TBK1: variants seen among roughly 807,000 people sequenced by gnomAD.
The protein encoded by TBK1 is TANK binding kinase 1.
In TBK1, 37 loss-of-function variants were observed where a neutral mutation model predicts 99.9. The ratio of observed to expected loss-of-function variants is 0.37; its 90% confidence interval spans 0.28 to 0.49. TBK1 has a LOEUF of 0.49. Among genes scored for constraint, TBK1 ranks in the 20% least tolerant of loss-of-function variants. TBK1 has a pLI of 0.98. For synonymous variants in TBK1, 258 were observed against 279.8 expected (o/e 0.92, Z 0.78); for missense variants, 644 against 872.5 (o/e 0.74, Z 3.30).
At position 64,498,026 on chromosome 12, in the gene TBK1, C is replaced by T. The variant is rs770870248; in HGVS notation, c.2125C>T (p.His709Tyr). ...GVVKELAENN[H>Y]ILERFGSLTM... ...GGTTAAAGAACTTGCTGAAAATAACCACATTTTAGAAAGGTGAGTAATGCA... is the reference window on the plus strand; with the variant it reads ...GGTTAAAGAACTTGCTGAAAATAACTACATTTTAGAAAGGTGAGTAATGCA... Residue 709 changes from histidine (H) to tyrosine (Y), a missense_variant, in exon 20 of 21, where the codon CAC becomes TAC. Transcript: ENST00000331710. 6.3e-7 allele frequency: 1 copy of T among 1,598,878 alleles called. No individual in the cohort carries two copies. The highest frequency in any genetic ancestry group is 1.4e-5 in the African/African-American group (1 of 73,832).
At chr12:64,499,608 G>C (rs1001541069) in intron 20 of TBK1, among the ~76,000 whole-genome samples, 1 of 149,080 alleles carries the variant, frequency 6.7e-6, no homozygotes, top group African/African-American at 2.5e-5. Flanking sequence ...AACTTTTATA[G>C]TATCCAGTTT....
intron 6 of TBK1, 85 bp downstream of exon 6, chr12:64,474,475 T>C: frequency 1.6e-6 from 2 of 1,282,238 alleles, no homozygotes; most frequent in Non-Finnish European, 1.1e-6. Flanking sequence ...TGGTTTATGC[T>C]AATAAAAATT....
chr12:64,488,630 A>C (rs1565821844), intron 12 of TBK1, 42 bp downstream of exon 12: 3 of 1,286,976 alleles, frequency 2.3e-6, no homozygotes, highest in East Asian at 2.4e-5. Flanking sequence ...TAAATTATTA[A>C]ATGTTCCATT....
rs1306446780 is a variant in TBK1, at chr12:64,476,142, G to A, written c.701+1752G>A. Among the ~76,000 whole-genome samples, 11 of 144,214 alleles carry A rather than the reference G, an allele frequency of 7.6e-5. No individual in the cohort carries two copies. The South Asian group carries it at 1.5e-3, about 20-fold the overall frequency. 94.6% of individuals were successfully genotyped at this position (144,214 alleles called of 152,430 possible). On this transcript the variant is annotated intron_variant, in intron 6 of 20. Transcript: ENST00000331710. ...TTTTTCATGTTTGTTGGCAGCTTGCGTAGTCTTCTTTTTTTTTTTTTTTTT... is the reference window on the plus strand; with the variant it reads ...TTTTTCATGTTTGTTGGCAGCTTGCATAGTCTTCTTTTTTTTTTTTTTTTT...
intron 1 of TBK1, 23 bp downstream of exon 1, chr12:64,452,210 G>A (rs1418712693): frequency 1.3e-5 from 2 of 152,464 alleles, no homozygotes; most frequent in Admixed American, 6.5e-5. Context: ...GCCGCGGGCT[G>A]AGGGGCCAAG....
Position 64,455,965 on chromosome 12 carries a change from C to T in TBK1, c.87+8C>T, listed in dbSNP as rs148982416. ...TTTCGTGGAAGACATAAGGTTAGTA[C>T]AGAGAAAACTTTGAAGACCTTTTAT... On this transcript the variant is annotated splice_region_variant and intron_variant, in intron 2 of 20. Transcript: ENST00000331710. The T allele has an allele frequency of 1.2e-4, 192 of 1,597,546 alleles. No homozygotes were observed. In the East Asian group the frequency reaches 4.1e-3, roughly 34 times the overall value.
At chr12:64,488,365 TTGA>T in intron 11 of TBK1, 119 bp from the exon 12 acceptor site, 3 of 538,280 alleles carry the variant, frequency 5.6e-6, no homozygotes, top group Non-Finnish European at 9.6e-6. Flanking sequence ...AAAGTGTGAA[TTGA>T]TGAATATCAT....
In TBK1 at chr12:64,452,663, A is replaced by C. The variant is rs184783759; in HGVS notation, c.-32+476A>C. On this transcript the variant is annotated intron_variant, in intron 1 of 20. Transcript: ENST00000331710. ...TGTATTGATTTTTCAGAGGATTAAA[A>C]AGAGACGTTTCCTTAGAGTTTTAGT... 5 of 152,340 alleles carry C rather than the reference A, an allele frequency of 3.3e-5. 1 individual carries two copies. The highest frequency in any genetic ancestry group is 3.3e-4 in the Admixed American group (5 of 15,298). 9.4% of individuals were successfully genotyped at this position (152,340 alleles called of 1,614,324 possible).
intron 11 of TBK1, among the ~76,000 whole-genome samples, chr12:64,487,313 T>C (rs1236750745): frequency 6.6e-6 from 1 of 152,270 alleles, no homozygotes; most frequent in African/African-American, 2.4e-5. Context: ...TGTCGCTATG[T>C]ATGTGCCCTT....
chr12:64,490,977 A>T (rs1210184634), intron 13 of TBK1, among the ~76,000 whole-genome samples: 1 of 152,170 alleles, frequency 6.6e-6, no homozygotes, highest in African/African-American at 2.4e-5. Flanking sequence ...TTCTAAAATA[A>T]AAAAGGAAAG....
In TBK1 at chr12:64,464,466, ATGTT is replaced by A. The variant is rs769662604; in HGVS notation, c.358+9_358+12del. 227 of 1,564,462 alleles carry A rather than the reference ATGTT, an allele frequency of 1.5e-4. No individual in the cohort carries two copies. The African/African-American group carries it at 2.1e-3, about 14-fold the overall frequency. ...CTTAATTGTTTTGCGAGATGTGGGT[ATGTT>A]TGTTTATTTATATGATATCATTTGT... On this transcript the variant is annotated splice_donor_5th_base_variant and intron_variant, in intron 4 of 20. Transcript: ENST00000331710.
chr12:64,500,655 C>T (rs2040978924), intron 20 of TBK1, among the ~76,000 whole-genome samples: 1 of 152,046 alleles, frequency 6.6e-6, no homozygotes, highest in Admixed American at 6.6e-5. Context: ...GCCTGTTCAC[C>T]CAACTTTACT....
chr12:64,469,453 G>A (rs1352893795), intron 5 of TBK1, among the ~76,000 whole-genome samples: 1 of 152,102 alleles, frequency 6.6e-6, no homozygotes, highest in African/African-American at 2.4e-5. Flanking sequence ...ACATGTGACT[G>A]AGTCAACACA....
chr12:64,460,619 C>T (rs1015710158), intron 3 of TBK1, among the ~76,000 whole-genome samples: 4 of 151,902 alleles, frequency 2.6e-5, no homozygotes, highest in South Asian at 2.1e-4. Context: ...GTAGATCATG[C>T]GGTCAAGAGA....
rs549647873 is a variant in TBK1 at position 64,475,802 on chromosome 12, C to G, written c.701+1412C>G. ...TAGATTGATTCTATGTGTTTGCTAT[C>G]GTGAATACTGCTGGGATAAACATAC... On this transcript the variant is annotated intron_variant, in intron 6 of 20. Transcript: ENST00000331710. 4.6e-5 allele frequency among the ~76,000 whole-genome samples: 7 copies of G among 152,208 alleles called. No individual in the cohort carries two copies. The South Asian group carries it at 1.5e-3, about 32-fold the overall frequency.
At chr12:64,475,687 A>T (rs755602021) in intron 6 of TBK1, among the ~76,000 whole-genome samples, 1 of 152,144 alleles carries the variant, frequency 6.6e-6, no homozygotes, top group African/African-American at 2.4e-5. Context: ...GCTGCAAAGG[A>T]TATGATTTCA....
intron 6 of TBK1, among the ~76,000 whole-genome samples, chr12:64,476,133 G>A (rs919393181): frequency 1.7e-4 from 25 of 149,030 alleles, no homozygotes; most frequent in African/African-American, 5.4e-4. Context: ...ATGTTTGTTG[G>A]CAGCTTGCGT....
At chr12:64,455,586 C>T (rs1272239974) in intron 1 of TBK1, among the ~76,000 whole-genome samples, 1 of 152,198 alleles carries the variant, frequency 6.6e-6, no homozygotes, top group South Asian at 2.1e-4. Flanking sequence ...ACTGAACATT[C>T]AGATCCGTCT....
intron 1 of TBK1, among the ~76,000 whole-genome samples, chr12:64,453,118 TTATATGG>T (rs2040445946): frequency 6.6e-6 from 1 of 152,190 alleles, no homozygotes; most frequent in Non-Finnish European, 1.5e-5. Context: ...TTGGGAAGAT[TTATATGG>T]CAAGCACGTT....
Sources: allele counts gnomAD v4.1 joint callset (sites outside exome capture counted in the v4.1 genomes callset), GRCh38; gene constraint gnomAD v4.1.1; transcripts MANE v1.5; gene names NCBI Gene and HGNC (gene_info 2026-07-23, HGNC 2026-07-21).